HNRNPR: variants seen among roughly 807,000 people sequenced by gnomAD.
HNRNPR encodes the protein heterogeneous nuclear ribonucleoprotein R.
A neutral mutation model predicts 70.3 loss-of-function variants in HNRNPR; 4 were observed. That is an observed-to-expected ratio of 0.06 (90% CI 0.03 to 0.13). The LOEUF (loss-of-function observed/expected upper bound fraction) is 0.13, where lower values mean the gene tolerates loss of function less well. Among genes scored for constraint, HNRNPR ranks in the 10% least tolerant of loss-of-function variants. HNRNPR has a pLI of 1.00. For missense variants in HNRNPR, 423 were observed against 788.5 expected, an observed-to-expected ratio of 0.54 and a Z score of 5.55; for synonymous variants, 241 against 267.6, an observed-to-expected ratio of 0.90 and a Z score of 0.97.
chr1:23,323,757 A>C, intron 5 of HNRNPR, 25 bp from the exon 6 acceptor site: 1 of 1,597,376 alleles, frequency 6.3e-7, no homozygotes, highest in Non-Finnish European at 8.6e-7. Flanking sequence ...CCTTATTAGA[A>C]TCCAACATAA....
chr1:23,329,768 T>C (rs1001383295), intron 5 of HNRNPR, among the ~76,000 whole-genome samples: 8 of 152,182 alleles, frequency 5.3e-5, no homozygotes, highest in Admixed American at 4.6e-4. Context: ...GCTAGGGCCA[T>C]AGCTGTGCGC....
Position 23,330,972 on chromosome 1 carries a change from T to C in HNRNPR, c.498+2546A>G, listed in dbSNP as rs558336522. 4.3e-4 allele frequency among the ~76,000 whole-genome samples: 66 copies of C among 152,324 alleles called. 1 individual carries two copies. In the South Asian group the frequency reaches 6.2e-3, roughly 14 times the overall value. On this transcript the variant is annotated intron_variant, in intron 5 of 10. Coordinates refer to ENST00000302271, the MANE Select transcript of HNRNPR (RefSeq NM_005826.5). ...TACTAGCAACACATTAAAAACCTAC[T>C]TTTCCTGAGTTTTCAAAACTTTGTC...
intron 7 of HNRNPR, 72 bp downstream of exon 7, chr1:23,321,456 A>AG: frequency 7.9e-7 from 1 of 1,269,532 alleles, no homozygotes; most frequent in Non-Finnish European, 1.1e-6. Flanking sequence ...ACAACCCCTC[A>AG]GTTTTTTTGA....
chr1:23,333,455 G>A, intron 5 of HNRNPR, 63 bp downstream of exon 5: 2 of 961,884 alleles, frequency 2.1e-6, no homozygotes, highest in Non-Finnish European at 3.4e-6. Flanking sequence ...TACAGTATCT[G>A]CATAGTAGAT....
rs1645314502 is a variant in HNRNPR at position 23,311,034 on chromosome 1, CGAG to C, written c.1319_1321del (p.Pro440del). On this transcript the variant is annotated inframe_deletion, in exon 11 of 11. Coordinates refer to ENST00000302271, the MANE Select transcript of HNRNPR (RefSeq NM_005826.5). ...CCGACCTCTAATTGGAGGTGGCATGCGAGGAGGAGGGTGGTAGTAATAATCTTC... is the reference window on the plus strand; with the variant it reads ...CCGACCTCTAATTGGAGGTGGCATGCGAGGAGGGTGGTAGTAATAATCTTC... The C allele has an allele frequency of 1.2e-6, 2 of 1,614,006 alleles. No homozygotes were observed. The highest frequency in any genetic ancestry group is 1.7e-6 in the Non-Finnish European group (2 of 1,179,980).
chr1:23,337,481 C>A (rs1457001496), intron 4 of HNRNPR, among the ~76,000 whole-genome samples: 1 of 152,014 alleles, frequency 6.6e-6, no homozygotes, highest in Non-Finnish European at 1.5e-5. Flanking sequence ...CACAGTGAAA[C>A]CCTATCTTTC....
chr1:23,341,950 C>G (rs1646719320), intron 1 of HNRNPR, among the ~76,000 whole-genome samples: 1 of 152,126 alleles, frequency 6.6e-6, no homozygotes, highest in Admixed American at 6.6e-5. Context: ...ATAAACCATA[C>G]AAGGCCAGTC....
At position 23,306,156 on chromosome 1, in the gene HNRNPR, G is replaced by A. The variant is rs759972592; in HGVS notation, c.*4298C>T. ...AAGAGACTTTTTAAGATTATAAGGTGTCTATTTTGCTCACTTAAAATATAC... is the reference window on the plus strand; with the variant it reads ...AAGAGACTTTTTAAGATTATAAGGTATCTATTTTGCTCACTTAAAATATAC... On this transcript the variant is annotated 3_prime_UTR_variant, in exon 11 of 11. Coordinates refer to ENST00000302271, the MANE Select transcript of HNRNPR (RefSeq NM_005826.5). The A allele has an allele frequency of 1.3e-5, 2 of 152,090 alleles. No homozygotes were observed. The highest frequency in any genetic ancestry group is 4.1e-4 in the South Asian group (2 of 4,822). 9.4% of individuals were successfully genotyped at this position (152,090 alleles called of 1,614,324 possible). A position where few individuals can be genotyped will look rare whatever the true frequency, so the allele number is the denominator to read the frequency against.
At chr1:23,337,335 T>C (rs1449954872) in intron 4 of HNRNPR, among the ~76,000 whole-genome samples, 1 of 152,192 alleles carries the variant, frequency 6.6e-6, no homozygotes, top group African/African-American at 2.4e-5. Flanking sequence ...TTCCTCTAAA[T>C]TATTTCATTT....
rs748333475 is a variant in HNRNPR, at chr1:23,333,526, C to G, written c.490G>C (p.Gly164Arg). The change falls in exon 5 of 11, where the codon GGA becomes CGA. Residue 164 changes from glycine (G) to arginine (R), a missense_variant. By Grantham distance (125) the Gly-to-Arg change is moderately radical (BLOSUM62 -2). This residue lies in a region of HNRNPR where 118 missense variants were observed against 239.3 expected (regional missense o/e 0.49). Coordinates refer to ENST00000302271, the MANE Select transcript of HNRNPR (RefSeq NM_005826.5). ...TGCTAAAGAACACTTACCTCCGTTCCAATTCCAGGTTGCACGCCAGAGTAC... is the reference window on the plus strand; with the variant it reads ...TGCTAAAGAACACTTACCTCCGTTCGAATTCCAGGTTGCACGCCAGAGTAC... ...SVYSGVQPGI[G>R]TEVFVGKIPR... The G allele has an allele frequency of 6.2e-7, 1 of 1,604,040 alleles. No individual in the cohort carries two copies.
chr1:23,333,013 G>A (rs558783215), intron 5 of HNRNPR, among the ~76,000 whole-genome samples: 4 of 152,008 alleles, frequency 2.6e-5, no homozygotes, highest in Non-Finnish European at 2.9e-5. Context: ...GTGAAACCCC[G>A]TCTCCACTAA....
chr1:23,324,279 G>A (rs755745968), intron 5 of HNRNPR, among the ~76,000 whole-genome samples: 1 of 151,416 alleles, frequency 6.6e-6, no homozygotes, highest in East Asian at 1.9e-4. Context: ...TACTTAAAAA[G>A]CAACCTCGGC....
At position 23,310,354 on chromosome 1, in the gene HNRNPR, CTACT is replaced by C. The variant is rs1357346433; in HGVS notation, c.*96_*99del. The C allele has an allele frequency of 7.9e-6, 9 of 1,138,562 alleles. No individual in the cohort carries two copies. The highest frequency in any genetic ancestry group is 4.7e-5 in the African/African-American group (3 of 64,442). 70.5% of individuals were successfully genotyped at this position (1,138,562 alleles called of 1,614,324 possible). A position where few individuals can be genotyped will look rare whatever the true frequency, so the allele number is the denominator to read the frequency against. Reference sequence around the variant, plus strand: ...GCCCAATACAAATGGCAGCAAAATGCTACTTAAAGATGAAACAGTTAAGCCAATT... The same window carrying C: ...GCCCAATACAAATGGCAGCAAAATGCTAAAGATGAAACAGTTAAGCCAATT... On this transcript the variant is annotated 3_prime_UTR_variant, in exon 11 of 11. Coordinates refer to ENST00000302271, the MANE Select transcript of HNRNPR (RefSeq NM_005826.5). This position sits in a 1 kb window ranked among gnomAD's most constrained non-coding sequence, Gnocchi z 6.0.
intron 8 of HNRNPR, among the ~76,000 whole-genome samples, chr1:23,316,869 A>T (rs938412065): frequency 1.3e-5 from 2 of 152,198 alleles, no homozygotes; most frequent in Non-Finnish European, 2.9e-5. Flanking sequence ...AAGGAATATG[A>T]GATAAAAGAT....
At chr1:23,326,250 T>G (rs942129750) in intron 5 of HNRNPR, among the ~76,000 whole-genome samples, 2 of 152,166 alleles carry the variant, frequency 1.3e-5, no homozygotes, top group South Asian at 4.2e-4. Flanking sequence ...ACTACATGCT[T>G]AATACCGTGA....
intron 4 of HNRNPR, among the ~76,000 whole-genome samples, chr1:23,337,032 C>A (rs991223845): frequency 3.3e-5 from 5 of 152,108 alleles, no homozygotes; most frequent in African/African-American, 1.2e-4. Context: ...CTATTACTAT[C>A]CCCATTTTAT....
At chr1:23,333,472 C>T in intron 5 of HNRNPR, 46 bp downstream of exon 5, 1 of 1,239,100 alleles carries the variant, frequency 8.1e-7, no homozygotes, top group Non-Finnish European at 1.2e-6. Flanking sequence ...AGATAAAACA[C>T]TTTCCAAACT....
intron 9 of HNRNPR, among the ~76,000 whole-genome samples, chr1:23,312,145 G>A (rs1645361271): frequency 6.6e-6 from 1 of 152,022 alleles, no homozygotes; most frequent in South Asian, 2.1e-4. Context: ...ATGTTCTATT[G>A]GAGCTATCAG....
At chr1:23,340,199 G>A (rs181082700) in intron 2 of HNRNPR, among the ~76,000 whole-genome samples, 2 of 151,752 alleles carry the variant, frequency 1.3e-5, no homozygotes, top group African/African-American at 2.4e-5. Context: ...TATGAACAAC[G>A]CTCCCTAAGG....
Sources: allele counts gnomAD v4.1 joint callset (sites outside exome capture counted in the v4.1 genomes callset), GRCh38; gene constraint gnomAD v4.1.1; regional missense constraint gnomAD v4.1.1; non-coding constraint Gnocchi (gnomAD v3.1); transcripts MANE v1.5; gene names NCBI Gene and HGNC (gene_info 2026-07-23, HGNC 2026-07-21).